The following GRIK2 variants were observed in gnomAD, a reference collection of about 807,000 sequenced individuals.
GRIK2 encodes the protein glutamate ionotropic receptor kainate type subunit 2, also known as glutamate receptor ionotropic, kainate 2.
GRIK2 carries 32 observed loss-of-function variants against 100.3 expected under a neutral mutation model. The ratio of observed to expected loss-of-function variants is 0.32; its 90% CI spans 0.24 to 0.43. The LOEUF (loss-of-function observed/expected upper bound fraction) is 0.43, where lower values mean the gene tolerates loss of function less well. Among genes scored for constraint, GRIK2 ranks in the 20% least tolerant of loss-of-function variants. The pLI, the probability that GRIK2 is intolerant of heterozygous loss-of-function variation, is 1.00. For missense variants in GRIK2, 843 were observed against 1,114.9 expected (o/e 0.76, Z 3.47); for synonymous variants, 417 against 389.4 (o/e 1.07, Z -0.83).
chr6:101,840,072 T>C (rs528362329), intron 10 of GRIK2, among the ~76,000 whole-genome samples: 5 of 152,290 alleles, frequency 3.3e-5, no homozygotes, highest in African/African-American at 1.2e-4. Context: ...ATTTACACTA[T>C]TGGACATTTC....
chr6:101,596,221 G>T, intron 2 of GRIK2, among the ~76,000 whole-genome samples: 5 of 138,934 alleles, frequency 3.6e-5, no homozygotes, highest in African/African-American at 5.4e-5. Flanking sequence ...TTTTTTTCTT[G>T]CTGTGTCCTT....
intron 2 of GRIK2, among the ~76,000 whole-genome samples, chr6:101,407,231 G>A (rs1775642089): frequency 6.6e-6 from 1 of 151,888 alleles, no homozygotes; most frequent in Admixed American, 6.6e-5. Flanking sequence ...TCCTTCCCCA[G>A]AAGAAATGAA....
At chr6:101,803,494 T>C (rs1426459138) in intron 9 of GRIK2, among the ~76,000 whole-genome samples, 1 of 151,854 alleles carries the variant, frequency 6.6e-6, no homozygotes, top group Non-Finnish European at 1.5e-5. Flanking sequence ...AAGTCAGGAA[T>C]ATTTTATAAT....
chr6:101,566,867 CATAT>C (rs984065520), intron 2 of GRIK2, among the ~76,000 whole-genome samples: 1 of 149,602 alleles, frequency 6.7e-6, no homozygotes, highest in Non-Finnish European at 1.5e-5. Context: ...TTATGATAGA[CATAT>C]ATACATATAT....
chr6:101,741,611 C>A (rs1404972856), intron 7 of GRIK2, among the ~76,000 whole-genome samples: 1 of 152,108 alleles, frequency 6.6e-6, no homozygotes, highest in East Asian at 1.9e-4. Flanking sequence ...CTTTTTGATG[C>A]TAATGAGAAT....
chr6:101,738,691 G>C (rs1289737201), intron 7 of GRIK2, among the ~76,000 whole-genome samples: 1 of 152,048 alleles, frequency 6.6e-6, no homozygotes, highest in African/African-American at 2.4e-5. Context: ...TGACAATTTG[G>C]CTAGATAACT....
At chr6:101,431,145 A>T (rs913550828) in intron 2 of GRIK2, 1 of 244,678 alleles carries the variant, frequency 4.1e-6, no homozygotes, top group African/African-American at 2.3e-5. Flanking sequence ...AGCCTCGGGC[A>T]GCAGCACTGG....
At chr6:101,424,512 T>C (rs1305506747) in intron 2 of GRIK2, among the ~76,000 whole-genome samples, 3 of 151,866 alleles carry the variant, frequency 2.0e-5, no homozygotes, top group Non-Finnish European at 4.4e-5. Flanking sequence ...TCATTTTTTA[T>C]GGCTGCATAG....
chr6:102,014,149 T>C (rs13205995), intron 14 of GRIK2, among the ~76,000 whole-genome samples: 131 of 149,004 alleles, frequency 8.8e-4, no homozygotes, highest in South Asian at 3.6e-3. Context: ...TTATTCCTGG[T>C]TTAGTTTTTG....
At chr6:101,729,497 T>C (rs1775107086) in intron 7 of GRIK2, among the ~76,000 whole-genome samples, 1 of 151,962 alleles carries the variant, frequency 6.6e-6, no homozygotes, top group African/African-American at 2.4e-5. Context: ...ATATTGTTAC[T>C]CAATATTAGT....
At chr6:101,900,267 C>G (rs1400103121) in intron 12 of GRIK2, among the ~76,000 whole-genome samples, 9 of 152,006 alleles carry the variant, frequency 5.9e-5, no homozygotes, top group African/African-American at 2.2e-4. Context: ...GAGTTCAAGA[C>G]CAGCCTGACC....
chr6:101,633,854 G>T (rs1780883008), intron 4 of GRIK2, among the ~76,000 whole-genome samples: 1 of 152,106 alleles, frequency 6.6e-6, no homozygotes, highest in Admixed American at 6.6e-5. Context: ...GATGCAGTGA[G>T]TTGAAGTAAT....
chr6:101,783,601 G>A (rs1779241183), intron 7 of GRIK2, among the ~76,000 whole-genome samples: 1 of 152,140 alleles, frequency 6.6e-6, no homozygotes. Flanking sequence ...GTAACAGTTT[G>A]GAGAGCTTCA....
chr6:101,767,025 C>T (rs1387320516), intron 7 of GRIK2, among the ~76,000 whole-genome samples: 1 of 152,138 alleles, frequency 6.6e-6, no homozygotes, highest in Non-Finnish European at 1.5e-5. Context: ...CTAACTCCTA[C>T]TTCTGGTTGA....
chr6:101,477,908 A>G (rs1236590166), intron 2 of GRIK2, among the ~76,000 whole-genome samples: 1 of 152,168 alleles, frequency 6.6e-6, no homozygotes, highest in East Asian at 1.9e-4. Context: ...CCTGCTTGCC[A>G]TTCTTAGAAA....
chr6:101,420,803 G>GT (rs1210172798), intron 2 of GRIK2, among the ~76,000 whole-genome samples: 16 of 152,106 alleles, frequency 1.1e-4, no homozygotes, highest in South Asian at 2.1e-4. Context: ...AAATATGAAG[G>GT]TTTTTTTAGA....
chr6:101,528,986 T>G (rs1775288375), intron 2 of GRIK2, among the ~76,000 whole-genome samples: 1 of 151,916 alleles, frequency 6.6e-6, no homozygotes, highest in Non-Finnish European at 1.5e-5. Flanking sequence ...TATGAATATC[T>G]TCTCTTAAAG....
At chr6:101,788,718 A>G (rs1255360031) in intron 7 of GRIK2, among the ~76,000 whole-genome samples, 1 of 152,198 alleles carries the variant, frequency 6.6e-6, no homozygotes, top group Non-Finnish European at 1.5e-5. Flanking sequence ...TCCTTTGGGC[A>G]TATACCCAGT....
intron 7 of GRIK2, among the ~76,000 whole-genome samples, chr6:101,775,355 T>C (rs1686802987): frequency 6.6e-6 from 1 of 152,102 alleles, no homozygotes; most frequent in African/African-American, 2.4e-5. Flanking sequence ...GTTTCTTATC[T>C]GAATCTCAGC....
Sources: allele counts gnomAD v4.1 joint callset (sites outside exome capture counted in the v4.1 genomes callset), GRCh38; gene constraint gnomAD v4.1.1; transcripts MANE v1.5; gene names NCBI Gene and HGNC (gene_info 2026-07-23, HGNC 2026-07-21).